The following JMJD1C variants were observed in gnomAD, a reference collection of about 807,000 sequenced individuals.
JMJD1C encodes jumonji domain-containing protein 1C.
A neutral mutation model predicts 245.3 loss-of-function variants in JMJD1C; 31 were observed. The observed-to-expected ratio is 0.13, with a 90% confidence interval of 0.09 to 0.17. The LOEUF (loss-of-function observed/expected upper bound fraction) is 0.17, where lower values mean the gene tolerates loss of function less well. JMJD1C is among the 10% of genes least tolerant of loss of function. The pLI, the probability that JMJD1C is intolerant of heterozygous loss-of-function variation, is 1.00. For missense variants in JMJD1C, 2,691 were observed against 3,000.2 expected (o/e 0.90, Z 2.41); for synonymous variants, 1,057 against 1,017.4 (o/e 1.04, Z -0.74).
At chr10:63,301,881 T>C (rs1197668691) in intron 2 of JMJD1C, 3 of 361,442 alleles carry the variant, frequency 8.3e-6, no homozygotes, top group Non-Finnish European at 1.6e-5. Context: ...AAGAATTCTG[T>C]TCTGTCCTAC....
rs568722306 is a variant in JMJD1C, at chr10:63,335,034, A to T, written c.333+45284T>A. 8.6e-5 allele frequency among the ~76,000 whole-genome samples: 13 copies of T among 150,872 alleles called. 1 individual carries two copies. The South Asian group carries it at 2.7e-3, about 32-fold the overall frequency. The stretch of plus-strand genomic sequence containing the variant: ...AGACTCTGTCTTTGGAAAAAAATAA[A>T]AAAAAAAAAAAATATTGTTCCTAAC... On this transcript the variant is annotated intron_variant, in intron 2 of 25. Coordinates refer to ENST00000399262, the MANE Select transcript of JMJD1C (RefSeq NM_032776.3).
At chr10:63,280,266 T>G (rs1367271950) in intron 2 of JMJD1C, among the ~76,000 whole-genome samples, 2 of 152,058 alleles carry the variant, frequency 1.3e-5, no homozygotes, top group Non-Finnish European at 2.9e-5. Flanking sequence ...AAAGTTAGTG[T>G]AGGCCACACG....
chr10:63,245,478 C>CTTTTTTTT (rs71025134), intron 3 of JMJD1C, among the ~76,000 whole-genome samples: 2,958 of 89,992 alleles, frequency 0.033, 292 homozygotes, highest in East Asian at 0.13. Flanking sequence ...CAGGGGAACT[C>CTTTTTTTT]TTTTTTTTTT....
At chr10:63,491,751 C>T (rs746653866) in intron 1 of JMJD1C, among the ~76,000 whole-genome samples, 2 of 152,220 alleles carry the variant, frequency 1.3e-5, no homozygotes, top group Non-Finnish European at 1.5e-5. Context: ...GCTACAACCC[C>T]CCTCCAGGGA....
At chr10:63,356,605 A>G (rs915820492) in intron 2 of JMJD1C, among the ~76,000 whole-genome samples, 4 of 152,210 alleles carry the variant, frequency 2.6e-5, no homozygotes, top group South Asian at 2.1e-4. Context: ...CTTTACAATC[A>G]TAAGATATCA....
chr10:63,428,789 TTATC>T (rs1302459610), intron 1 of JMJD1C, among the ~76,000 whole-genome samples: 1 of 152,206 alleles, frequency 6.6e-6, no homozygotes, highest in Non-Finnish European at 1.5e-5. Flanking sequence ...TCCTTGACTT[TTATC>T]TAAGTATTTC....
chr10:63,274,231 A>C lies in JMJD1C; in HGVS notation c.334-9467T>G, dbSNP rs886123181. Among the ~76,000 whole-genome samples the C allele has an allele frequency of 2.0e-5, 3 of 152,220 alleles. No homozygotes were observed. In the East Asian group the frequency reaches 5.8e-4, roughly 29 times the overall value. ...TGTAAAATCTATGAAAATACATAAA[A>C]ATGTAACTCCTACATCATTGTAATG... is the stretch of plus-strand genomic sequence containing the variant. On this transcript the variant is annotated intron_variant, in intron 2 of 25. Transcript: ENST00000399262.
chr10:63,429,129 C>T (rs888872990), intron 1 of JMJD1C, among the ~76,000 whole-genome samples: 12 of 152,212 alleles, frequency 7.9e-5, no homozygotes, highest in Admixed American at 3.9e-4. Context: ...TACAAACATG[C>T]ACAACCACAC....
intron 2 of JMJD1C, among the ~76,000 whole-genome samples, chr10:63,276,565 A>G (rs1005028158): frequency 2.6e-5 from 4 of 151,680 alleles, no homozygotes; most frequent in African/African-American, 9.7e-5. Flanking sequence ...GGTGCCTGTG[A>G]TCCCAGCTAC....
At position 63,183,651 on chromosome 10, in the gene JMJD1C, G is replaced by A. The variant is rs561080043; in HGVS notation, c.6962-82C>T. The A allele has an allele frequency of 8.0e-5, 61 of 760,010 alleles. 1 individual carries two copies. Among genetic ancestry groups the A allele is most frequent in the South Asian group, 6.0e-4 (21 of 35,074 alleles). 47.1% of individuals were successfully genotyped at this position (760,010 alleles called of 1,614,324 possible). ...ATCAGATATTCCCCCAAATTAGCTC[G>A]ATCTGCATAATTTAATTGTAATTTG... On this transcript the variant is annotated intron_variant, in intron 21 of 25. Transcript: ENST00000399262.
intron 2 of JMJD1C, among the ~76,000 whole-genome samples, chr10:63,340,208 AAC>A (rs1418423291): frequency 2.0e-5 from 3 of 152,190 alleles, no homozygotes; most frequent in Non-Finnish European, 4.4e-5. Context: ...CAGGCATACA[AAC>A]ACACAGTTTA....
intron 1 of JMJD1C, among the ~76,000 whole-genome samples, chr10:63,478,071 C>A (rs1355211292): frequency 6.6e-6 from 1 of 151,980 alleles, no homozygotes; most frequent in Non-Finnish European, 1.5e-5. Flanking sequence ...AACTCTCATA[C>A]AGTGCTGACT....
At chr10:63,410,601 A>G (rs564501065) in intron 1 of JMJD1C, among the ~76,000 whole-genome samples, 9 of 152,268 alleles carry the variant, frequency 5.9e-5, no homozygotes, top group Admixed American at 5.2e-4. Context: ...TAAGCAAATA[A>G]ACTTTCCAGC....
chr10:63,203,135 T>G, intron 10 of JMJD1C: 1 of 985,034 alleles, frequency 1.0e-6, no homozygotes, highest in Non-Finnish European at 1.2e-6. Context: ...AATTCATACG[T>G]AGAGCTTTTG....
At chr10:63,315,016 C>A (rs557912560) in intron 2 of JMJD1C, among the ~76,000 whole-genome samples, 1 of 148,710 alleles carries the variant, frequency 6.7e-6, no homozygotes, top group Admixed American at 6.8e-5. Flanking sequence ...TGCAGCAGCA[C>A]GATCTTGGCT....
intron 1 of JMJD1C, among the ~76,000 whole-genome samples, chr10:63,438,136 A>G (rs1306005565): frequency 6.6e-6 from 1 of 152,164 alleles, no homozygotes; most frequent in South Asian, 2.1e-4. Context: ...CAAATTTAAC[A>G]CATCTAAAAG....
chr10:63,336,383 A>G (rs1176718678), intron 2 of JMJD1C, among the ~76,000 whole-genome samples: 1 of 152,054 alleles, frequency 6.6e-6, no homozygotes, highest in Non-Finnish European at 1.5e-5. Context: ...GCTTGAACCC[A>G]GGAGGCAGAG....
intron 1 of JMJD1C, among the ~76,000 whole-genome samples, chr10:63,477,860 T>TA (rs1189179476): frequency 6.6e-6 from 1 of 152,134 alleles, no homozygotes; most frequent in Non-Finnish European, 1.5e-5. Flanking sequence ...CTAGAATATT[T>TA]AAAGAACTTT....
In JMJD1C at chr10:63,380,132, T is replaced by TG. The variant is rs1589628361; in HGVS notation, c.333+185dup. On this transcript the variant is annotated intron_variant, in intron 2 of 25. Transcript: ENST00000399262. ...TTTTTTTTTTTTTTTTTGGTAGAGA[T>TG]GGGGTCTCGCTTTTTTGCCCAGGCT... is the stretch of plus-strand genomic sequence containing the variant. 97 of 477,170 alleles carry TG rather than the reference T, an allele frequency of 2.0e-4. No homozygotes were observed. In the East Asian group the frequency reaches 3.7e-3, roughly 18 times the overall value. The allele number at this position is 477,170 out of a possible 1,614,324, so 29.6% of individuals were successfully genotyped here.
Sources: gnomAD v4.1 joint callset for allele counts (sites outside exome capture counted in the v4.1 genomes callset) on GRCh38, gnomAD v4.1.1 for gene constraint, MANE v1.5 for transcripts, NCBI Gene and HGNC (gene_info 2026-07-23, HGNC 2026-07-21) for gene names.